FRAS1: variants seen among roughly 807,000 people sequenced by gnomAD.
FRAS1 encodes extracellular matrix organizing protein FRAS1.
Under a neutral mutation model 435.2 loss-of-function variants are expected in FRAS1, and 290 were observed. That is an observed-to-expected ratio of 0.67 (90% CI 0.61 to 0.73). The LOEUF is 0.73. FRAS1 is among the 30% of genes least tolerant of loss of function. FRAS1 has a pLI of 0.00. For missense variants in FRAS1, 4,860 were observed against 5,001.5 expected (o/e 0.97, Z 0.85); for synonymous variants, 1,800 against 1,851.0 (o/e 0.97, Z 0.71).
intron 41 of FRAS1, among the ~76,000 whole-genome samples, chr4:78,442,509 A>C (rs1734698333): frequency 6.6e-6 from 1 of 152,240 alleles, no homozygotes; most frequent in African/African-American, 2.4e-5. Context: ...CCTTTCTTGC[A>C]GAAGGAAGCT....
At chr4:78,513,051 C>T (rs1430561220) in intron 64 of FRAS1, among the ~76,000 whole-genome samples, 2 of 152,208 alleles carry the variant, frequency 1.3e-5, no homozygotes, top group African/African-American at 2.4e-5. Flanking sequence ...TCTCTAGTCA[C>T]TCAGCTTTAG....
At chr4:78,364,411 A>G (rs1560681829) in intron 22 of FRAS1, among the ~76,000 whole-genome samples, 1 of 152,208 alleles carries the variant, frequency 6.6e-6, no homozygotes, top group Non-Finnish European at 1.5e-5. Context: ...GACCCTAGGC[A>G]GAGAGTGGAG....
chr4:78,423,195 C>T (rs563948925), intron 34 of FRAS1, among the ~76,000 whole-genome samples: 1 of 150,964 alleles, frequency 6.6e-6, no homozygotes, highest in Non-Finnish European at 1.5e-5. Flanking sequence ...AAGATGGAGT[C>T]TCACTCTGTC....
At chr4:78,434,503 A>G (rs752158309) in intron 38 of FRAS1, among the ~76,000 whole-genome samples, 3 of 152,198 alleles carry the variant, frequency 2.0e-5, no homozygotes, top group Non-Finnish European at 4.4e-5. Context: ...TAGCATTTCT[A>G]TGAACCAGCC....
intron 28 of FRAS1, among the ~76,000 whole-genome samples, chr4:78,384,861 T>G (rs1404799069): frequency 2.2e-5 from 3 of 139,000 alleles, no homozygotes; most frequent in Non-Finnish European, 3.0e-5. Flanking sequence ...TGAATGACGA[T>G]CATGCCACCG....
At chr4:78,484,440 A>C (rs1560753323) in intron 58 of FRAS1, among the ~76,000 whole-genome samples, 1 of 152,198 alleles carries the variant, frequency 6.6e-6, no homozygotes, top group Non-Finnish European at 1.5e-5. Context: ...CTGTAAACAA[A>C]CATCCTAAGA....
chr4:78,335,047 A>G (rs1166299015), intron 19 of FRAS1, among the ~76,000 whole-genome samples: 2 of 152,052 alleles, frequency 1.3e-5, no homozygotes, highest in South Asian at 4.2e-4. Context: ...GGTGTGAGTC[A>G]CTGTATCTGG....
At chr4:78,462,109 T>C (rs567508784) in intron 47 of FRAS1, among the ~76,000 whole-genome samples, 30 of 133,732 alleles carry the variant, frequency 2.2e-4, no homozygotes, top group African/African-American at 6.0e-4. Flanking sequence ...GGCTCATGCT[T>C]GTAATCCTCT....
chr4:78,317,652 A>G (rs1410130220), intron 17 of FRAS1, 144 bp downstream of exon 17: 10 of 773,956 alleles, frequency 1.3e-5, no homozygotes, highest in Non-Finnish European at 1.9e-5. Context: ...ATTTTTCATT[A>G]CAGTAGTTTT....
chr4:78,443,117 G>C (rs1734721634), intron 41 of FRAS1, among the ~76,000 whole-genome samples: 1 of 152,204 alleles, frequency 6.6e-6, no homozygotes, highest in Non-Finnish European at 1.5e-5. Flanking sequence ...GGGAGGCCAA[G>C]GTGGGAGGAT....
chr4:78,440,017 CTT>C (rs1163344254), intron 40 of FRAS1, among the ~76,000 whole-genome samples: 240 of 92,990 alleles, frequency 2.6e-3, no homozygotes, highest in African/African-American at 9.1e-3. Flanking sequence ...TAAGTCATTT[CTT>C]TTTTTTTTTT....
In FRAS1 at chr4:78,334,731, C is replaced by T. The variant is rs182726102; in HGVS notation, c.2278+1319C>T. Among the ~76,000 whole-genome samples, 26 of 151,932 alleles carry T rather than the reference C, an allele frequency of 1.7e-4. No homozygotes were observed. The East Asian group carries it at 4.6e-3, about 27-fold the overall frequency. On this transcript the variant is annotated intron_variant, in intron 19 of 73. Transcript: ENST00000512123. ...TACAGATACGTGTGTGTATATTTAT[C>T]GTTTTCATGGCTGCATATTATTCTA...
intron 38 of FRAS1, among the ~76,000 whole-genome samples, chr4:78,434,055 G>A (rs1036907210): frequency 3.3e-5 from 5 of 152,164 alleles, no homozygotes; most frequent in African/African-American, 9.7e-5. Context: ...GAAGGATTTT[G>A]TACTAAGAGT....
intron 2 of FRAS1, among the ~76,000 whole-genome samples, chr4:78,148,588 A>G (rs563613456): frequency 2.0e-5 from 3 of 152,330 alleles, no homozygotes; most frequent in Admixed American, 6.5e-5. Context: ...CAATTTTTAT[A>G]TGCTACAGTG....
chr4:78,225,573 A>G (rs931725754), intron 2 of FRAS1, among the ~76,000 whole-genome samples: 2 of 152,180 alleles, frequency 1.3e-5, no homozygotes, highest in Non-Finnish European at 2.9e-5. Flanking sequence ...TTCTTTAACT[A>G]TATTTCCAGC....
rs765742328 is a variant in FRAS1, at chr4:78,418,920, GT to G, written c.4426-27del. On this transcript the variant is annotated intron_variant, in intron 32 of 73. Coordinates refer to ENST00000512123, the MANE Select transcript of FRAS1 (RefSeq NM_025074.7). ...CTGGCTTTTGTTTTTCATACCATGT[GT>G]TCCTCTTCCTTCTTAAACTTTGTTT... 3.7e-6 allele frequency: 5 copies of G among 1,357,304 alleles called. No individual in the cohort carries two copies. In the South Asian group the frequency reaches 5.0e-5, roughly 14 times the overall value. 84.1% of individuals were successfully genotyped at this position (1,357,304 alleles called of 1,614,324 possible).
intron 58 of FRAS1, among the ~76,000 whole-genome samples, chr4:78,484,158 T>TCCATCATAGATATGATA (rs1298052498): frequency 6.6e-6 from 1 of 152,158 alleles, no homozygotes; most frequent in Non-Finnish European, 1.5e-5. Context: ...TATCTATGAT[T>TCCATCATAGATATGATA]TTGCATCTGG....
intron 47 of FRAS1, among the ~76,000 whole-genome samples, chr4:78,458,256 T>G (rs1033976269): frequency 1.3e-5 from 2 of 152,190 alleles, no homozygotes; most frequent in Admixed American, 6.5e-5. Flanking sequence ...CTAGTCTGTA[T>G]CATGTCCTCA....
chr4:78,454,578 C>T (rs144972777), intron 47 of FRAS1, among the ~76,000 whole-genome samples: 6 of 152,188 alleles, frequency 3.9e-5, no homozygotes, highest in African/African-American at 7.2e-5. Flanking sequence ...AAATAATTCA[C>T]GAGCTAATTG....
Sources: gnomAD v4.1 joint callset for allele counts (sites outside exome capture counted in the v4.1 genomes callset) on GRCh38, gnomAD v4.1.1 for gene constraint, MANE v1.5 for transcripts, NCBI Gene and HGNC (gene_info 2026-07-23, HGNC 2026-07-21) for gene names.